Variants in CCSER1 observed in about 807,000 individuals in gnomAD.
CCSER1 encodes the protein serine-rich coiled-coil domain-containing protein 1.
A neutral mutation model predicts 82.0 loss-of-function variants in CCSER1; 41 were observed. The observed-to-expected ratio is 0.50, with a 90% CI of 0.39 to 0.65. The LOEUF (loss-of-function observed/expected upper bound fraction) is 0.65, where lower values mean the gene tolerates loss of function less well. Among genes scored for constraint, CCSER1 ranks in the 30% least tolerant of loss-of-function variants. CCSER1 has a pLI of 0.00. For synonymous variants in CCSER1, 414 were observed against 383.9 expected (o/e 1.08, Z -0.92); for missense variants, 1,119 against 1,064.2 (o/e 1.05, Z -0.72).
chr4:90,403,495 T>C (rs1753222798), intron 4 of CCSER1, among the ~76,000 whole-genome samples: 1 of 99,482 alleles, frequency 1.0e-5, no homozygotes, highest in African/African-American at 4.4e-5. Context: ...CGAGACTCCG[T>C]CTCAAAAAAA....
chr4:91,096,922 A>C (rs1356454482), intron 10 of CCSER1, among the ~76,000 whole-genome samples: 1 of 152,176 alleles, frequency 6.6e-6, no homozygotes, highest in Non-Finnish European at 1.5e-5. Context: ...AATTCAAGTC[A>C]AGTCAAAACC....
At chr4:90,600,513 A>G (rs1661834105) in intron 5 of CCSER1, among the ~76,000 whole-genome samples, 1 of 151,998 alleles carries the variant, frequency 6.6e-6, no homozygotes, top group African/African-American at 2.4e-5. Flanking sequence ...TATTTGAAAA[A>G]TATGTGTTAA....
intron 1 of CCSER1, among the ~76,000 whole-genome samples, chr4:90,210,759 A>T (rs936171187): frequency 1.3e-5 from 2 of 152,166 alleles, no homozygotes; most frequent in African/African-American, 4.8e-5. Context: ...GTCTGCTATC[A>T]TTTCTAATAA....
At chr4:90,268,703 T>A (rs1725693882) in intron 1 of CCSER1, among the ~76,000 whole-genome samples, 1 of 151,926 alleles carries the variant, frequency 6.6e-6, no homozygotes, top group Non-Finnish European at 1.5e-5. Context: ...TACTTATCAA[T>A]GAGAACATTG....
At chr4:91,005,885 G>A (rs1328964703) in intron 9 of CCSER1, among the ~76,000 whole-genome samples, 2 of 152,146 alleles carry the variant, frequency 1.3e-5, no homozygotes, top group Non-Finnish European at 2.9e-5. Flanking sequence ...GGCTGTAGAT[G>A]TATGGATTTA....
At chr4:91,436,997 G>T (rs1754695833) in intron 10 of CCSER1, among the ~76,000 whole-genome samples, 1 of 152,208 alleles carries the variant, frequency 6.6e-6, no homozygotes, top group African/African-American at 2.4e-5. Context: ...AGGTGTGAGT[G>T]AAGGCCTGCT....
intron 10 of CCSER1, among the ~76,000 whole-genome samples, chr4:91,381,795 T>C (rs1316046816): frequency 1.3e-5 from 2 of 152,140 alleles, no homozygotes; most frequent in African/African-American, 4.8e-5. Context: ...AGGATCTGAG[T>C]TTCTTTGGAG....
chr4:91,487,947 TTTAAG>T (rs1560710388), intron 10 of CCSER1, among the ~76,000 whole-genome samples: 1 of 152,040 alleles, frequency 6.6e-6, no homozygotes, highest in Non-Finnish European at 1.5e-5. Flanking sequence ...TAAAATTACT[TTTAAG>T]TTAAATTATA....
At chr4:90,558,576 A>C (rs1778386410) in intron 5 of CCSER1, among the ~76,000 whole-genome samples, 1 of 152,084 alleles carries the variant, frequency 6.6e-6, no homozygotes, top group Non-Finnish European at 1.5e-5. Context: ...TAATGACAGC[A>C]GCACTATCAT....
intron 1 of CCSER1, among the ~76,000 whole-genome samples, chr4:90,162,939 T>A (rs1477863616): frequency 6.6e-6 from 1 of 152,102 alleles, no homozygotes; most frequent in East Asian, 1.9e-4. Context: ...ATAAAACAAT[T>A]TGTGTCTTTG....
intron 10 of CCSER1, among the ~76,000 whole-genome samples, chr4:91,318,880 C>A (rs9999729): frequency 2.0e-5 from 3 of 151,784 alleles, no homozygotes; most frequent in African/African-American, 4.8e-5. Flanking sequence ...TGTGCATATT[C>A]CCTCATTAGT....
intron 5 of CCSER1, among the ~76,000 whole-genome samples, chr4:90,626,923 A>G (rs1723397446): frequency 6.6e-6 from 1 of 152,196 alleles, no homozygotes; most frequent in Non-Finnish European, 1.5e-5. Flanking sequence ...TTCATTTTAC[A>G]TCCATTTCTC....
At chr4:91,146,582 T>C (rs1048089077) in intron 10 of CCSER1, among the ~76,000 whole-genome samples, 1 of 147,802 alleles carries the variant, frequency 6.8e-6, no homozygotes, top group African/African-American at 2.5e-5. Flanking sequence ...ATCTTCTTCT[T>C]TTTTTTTTGA....
At chr4:91,278,711 T>G (rs1048763902) in intron 10 of CCSER1, among the ~76,000 whole-genome samples, 1 of 152,132 alleles carries the variant, frequency 6.6e-6, no homozygotes, top group Non-Finnish European at 1.5e-5. Context: ...GTGAGGTTTT[T>G]TTCTTGTCAT....
intron 10 of CCSER1, among the ~76,000 whole-genome samples, chr4:91,201,706 G>A (rs1735913050): frequency 6.6e-6 from 1 of 152,044 alleles, no homozygotes; most frequent in Non-Finnish European, 1.5e-5. Context: ...GATATTCTTA[G>A]TGTATTGGTT....
intron 10 of CCSER1, among the ~76,000 whole-genome samples, chr4:91,582,933 G>T (rs556258406): frequency 8.8e-4 from 133 of 151,440 alleles, no homozygotes; most frequent in African/African-American, 3.0e-3. Flanking sequence ...TTACTTATGA[G>T]AAAATTTTAG....
intron 8 of CCSER1, among the ~76,000 whole-genome samples, chr4:90,904,933 C>A (rs994573567): frequency 6.6e-6 from 1 of 152,088 alleles, no homozygotes; most frequent in East Asian, 1.9e-4. Flanking sequence ...TCCAATTGAA[C>A]CTGCTTCTCC....
chr4:90,531,045 G>A (rs905207579), intron 5 of CCSER1, among the ~76,000 whole-genome samples: 1 of 152,112 alleles, frequency 6.6e-6, no homozygotes, highest in African/African-American at 2.4e-5. Context: ...CTGACAATGA[G>A]TACGAATTTA....
chr4:91,472,377 T>C (rs940951651), intron 10 of CCSER1, among the ~76,000 whole-genome samples: 4 of 152,228 alleles, frequency 2.6e-5, no homozygotes, highest in African/African-American at 9.6e-5. Context: ...ATGTTCTTAC[T>C]TGAGTCTGTA....
Sources: allele counts gnomAD v4.1 joint callset (sites outside exome capture counted in the v4.1 genomes callset), GRCh38; gene constraint gnomAD v4.1.1; transcripts MANE v1.5; gene names NCBI Gene and HGNC (gene_info 2026-07-23, HGNC 2026-07-21).